MAF: variants seen among roughly 807,000 people sequenced by gnomAD.
MAF encodes MAF bZIP transcription factor, also known as transcription factor Maf.
Under a neutral mutation model 22.0 loss-of-function variants are expected in MAF, and 10 were observed. The ratio of observed to expected loss-of-function variants is 0.45; its 90% CI spans 0.28 to 0.77. MAF has a LOEUF of 0.77. Among genes scored for constraint, MAF ranks in the 30% least tolerant of loss-of-function variants. The pLI, the probability that MAF is intolerant of heterozygous loss-of-function variation, is 0.12. For synonymous variants in MAF, 337 were observed against 255.8 expected (o/e 1.32, Z -3.03); for missense variants, 544 against 548.4 (o/e 0.99, Z 0.08).
the MAF span, among the ~76,000 whole-genome samples, chr16:79,372,491 A>T: frequency 2.0e-5 from 3 of 152,200 alleles, no homozygotes; most frequent in African/African-American, 7.2e-5. Flanking sequence ...TAGATATCTG[A>T]AACAGTTTTC....
At chr16:79,430,362 G>C in the MAF span, among the ~76,000 whole-genome samples, 3 of 152,318 alleles carry the variant, frequency 2.0e-5, no homozygotes, top group African/African-American at 7.2e-5. Flanking sequence ...TTCCCGTCAA[G>C]ACAACTAGCC....
chr16:79,340,036 G>A, the MAF span, among the ~76,000 whole-genome samples: 5 of 152,154 alleles, frequency 3.3e-5, no homozygotes, highest in African/African-American at 9.7e-5. Context: ...GGACTGCAGC[G>A]TGGAAATCCA....
At chr16:79,535,583 C>CT in the MAF span, among the ~76,000 whole-genome samples, 9 of 77,914 alleles carry the variant, frequency 1.2e-4, no homozygotes, top group African/African-American at 4.0e-4. Flanking sequence ...AGCATTGCTT[C>CT]TTCTTTTTTT....
the MAF span, among the ~76,000 whole-genome samples, chr16:79,405,533 C>T: frequency 1.3e-5 from 2 of 152,200 alleles, no homozygotes; most frequent in Non-Finnish European, 2.9e-5. Context: ...TCCTTGCTCT[C>T]TTGTCCCAGG....
the MAF span, among the ~76,000 whole-genome samples, chr16:79,512,965 C>A: frequency 6.6e-6 from 1 of 152,230 alleles, no homozygotes; most frequent in Non-Finnish European, 1.5e-5. Context: ...TGAGTTGCAA[C>A]ACAAAGGTGC....
the MAF span, among the ~76,000 whole-genome samples, chr16:79,494,595 A>G: frequency 6.6e-6 from 1 of 152,186 alleles, no homozygotes; most frequent in South Asian, 2.1e-4. Flanking sequence ...ACATCTGCAA[A>G]GTTCCTAGGG....
chr16:79,249,570 G>C, the MAF span, among the ~76,000 whole-genome samples: 1 of 152,094 alleles, frequency 6.6e-6, no homozygotes, highest in Non-Finnish European at 1.5e-5. Flanking sequence ...CCAGCCTCCA[G>C]AACTATAAGA....
At chr16:79,595,984 G>T (rs1424584658) in intron 1 of MAF, 5 of 1,061,002 alleles carry the variant, frequency 4.7e-6, no homozygotes, top group Non-Finnish European at 5.7e-6. Context: ...ATCTTGTCAG[G>T]CCTTGCTAAC....
chr16:79,580,936 A>G (rs1208876931), downstream of MAF, among the ~76,000 whole-genome samples: 2 of 152,184 alleles, frequency 1.3e-5, no homozygotes, highest in East Asian at 3.9e-4. Flanking sequence ...CCACTGGAGC[A>G]AAGAATGAGA....
chr16:79,559,132 C>T, the MAF span, among the ~76,000 whole-genome samples: 1 of 152,144 alleles, frequency 6.6e-6, no homozygotes, highest in Non-Finnish European at 1.5e-5. Flanking sequence ...CCTGAGGACA[C>T]TGGCCGTGGT....
At chr16:79,458,109 A>AGTGT in the MAF span, among the ~76,000 whole-genome samples, 18,849 of 136,302 alleles carry the variant, frequency 0.14, 1,560 homozygotes, top group African/African-American at 0.23. Flanking sequence ...GGTATGTATA[A>AGTGT]GTGTGTGTGT....
chr16:79,211,781 C>G, the MAF span: 6 of 1,613,974 alleles, frequency 3.7e-6, no homozygotes, highest in South Asian at 5.5e-5. Flanking sequence ...AACGGCTTGG[C>G]AGCCAGTCCG....
At chr16:79,274,198 A>G in the MAF span, among the ~76,000 whole-genome samples, 23 of 150,262 alleles carry the variant, frequency 1.5e-4, no homozygotes, top group African/African-American at 5.4e-4. Context: ...CAGGTGATCC[A>G]CCTGCCTTGA....
the MAF span, among the ~76,000 whole-genome samples, chr16:79,553,778 T>C: frequency 6.6e-6 from 1 of 152,092 alleles, no homozygotes; most frequent in African/African-American, 2.4e-5. Context: ...TTCTTAACAC[T>C]CTCATCACTA....
chr16:79,476,886 C>T, the MAF span, among the ~76,000 whole-genome samples: 1 of 152,182 alleles, frequency 6.6e-6, no homozygotes, highest in Non-Finnish European at 1.5e-5. Context: ...CCTGCGGGAG[C>T]TCCTGTGTGC....
chr16:79,592,314 A>G (rs1412012299), downstream of MAF, among the ~76,000 whole-genome samples: 2 of 152,132 alleles, frequency 1.3e-5, no homozygotes, highest in African/African-American at 2.4e-5. Context: ...GGAGACTGAA[A>G]TTCTCTCACC....
chr16:79,297,228 A>G, the MAF span, among the ~76,000 whole-genome samples: 2 of 152,224 alleles, frequency 1.3e-5, no homozygotes, highest in African/African-American at 4.8e-5. Flanking sequence ...AGACAACATG[A>G]AAAAGTACTT....
chr16:79,484,704 G>T, the MAF span, among the ~76,000 whole-genome samples: 1 of 152,222 alleles, frequency 6.6e-6, no homozygotes, highest in Non-Finnish European at 1.5e-5. Context: ...CAGGGTGGGA[G>T]CTGCTCACAC....
At chr16:79,211,117 A>G in the MAF span, among the ~76,000 whole-genome samples, 2 of 152,020 alleles carry the variant, frequency 1.3e-5, no homozygotes, top group Admixed American at 6.6e-5. Context: ...TGGGCAAAGC[A>G]TAAAGGGATG....
Sources: gnomAD v4.1 joint callset for allele counts (sites outside exome capture counted in the v4.1 genomes callset) on GRCh38, gnomAD v4.1.1 for gene constraint, MANE v1.5 for transcripts, NCBI Gene and HGNC (gene_info 2026-07-23, HGNC 2026-07-21) for gene names.